The following AHNAK variants were observed in gnomAD, a reference collection of about 807,000 sequenced individuals.
AHNAK encodes AHNAK nucleoprotein.
Under a neutral mutation model 37.8 loss-of-function variants are expected in AHNAK, and 23 were observed. The ratio of observed to expected loss-of-function variants is 0.61; its 90% CI spans 0.44 to 0.86. AHNAK has a LOEUF of 0.86. AHNAK is among the 40% of genes least tolerant of loss of function. The probability of loss-of-function intolerance (pLI) is 0.00; values close to 1 mark genes in which losing one functional copy is unlikely to be tolerated. For synonymous variants in AHNAK, 2,481 were observed against 2,636.3 expected (o/e 0.94, Z 1.80); for missense variants, 7,411 against 7,319.4 (o/e 1.01, Z -0.46).
intron 4 of AHNAK, among the ~76,000 whole-genome samples, chr11:62,506,615 T>C (rs1939816661): frequency 6.6e-6 from 1 of 152,148 alleles, no homozygotes; most frequent in Admixed American, 6.5e-5. Context: ...GCCTGCATTT[T>C]CCTAGCTGCA....
Position 62,532,934 on chromosome 11 carries a change from T to G in AHNAK, c.1483A>C (p.Ile495Leu), listed in dbSNP as rs752014585. ...GTKVKTPEMI[I>L]QKPKISMQDV... ...TGCATGGAGATTTTAGGTTTCTGAA[T>G]AATCATTTCAGGAGTCTTCACTTTA... is the stretch of plus-strand genomic sequence containing the variant. Residue 495 changes from isoleucine to leucine, a missense_variant, in exon 5 of 5, where the codon ATT becomes CTT. Physicochemically the swap from Ile to Leu is conservative, Grantham distance 5. Transcript: ENST00000378024. 1.2e-6 allele frequency: 2 copies of G among 1,614,014 alleles called. No individual in the cohort carries two copies. Among genetic ancestry groups the G allele is most frequent in the African/African-American group, 1.3e-5 (1 of 74,908 alleles).
At position 62,519,241 on chromosome 11, in the gene AHNAK, T is replaced by G. The variant is rs972345002; in HGVS notation, c.15176A>C (p.Asp5059Ala). The part of the protein sequence containing the change: ...GEIDASLKAP[D>A]VDVNIAGPDA... ...CGGCCCTGCGATGTTGACATCTACA[T>G]CCGGAGCCTTGAGGCTGGCATCAAT... is the stretch of plus-strand genomic sequence containing the variant. Residue 5059 changes from aspartate (D) to alanine (A), a missense_variant, in exon 5 of 5, where the codon GAT becomes GCT. Coordinates refer to ENST00000378024, the MANE Select transcript of AHNAK (RefSeq NM_001620.3). 1 of 1,613,966 alleles carries G rather than the reference T, an allele frequency of 6.2e-7. No individual in the cohort carries two copies. The highest frequency in any genetic ancestry group is 8.5e-7 in the Non-Finnish European group (1 of 1,179,996).
chr11:62,536,360 G>A, intron 2 of AHNAK, 109 bp downstream of exon 2: 1 of 394,764 alleles, frequency 2.5e-6, no homozygotes, highest in Non-Finnish European at 4.5e-6. Context: ...CCCGGAGGTA[G>A]CTGGCCCTTC....
chr11:62,467,960 G>T (rs775863073), intron 5 of AHNAK, among the ~76,000 whole-genome samples: 1 of 152,126 alleles, frequency 6.6e-6, no homozygotes, highest in African/African-American at 2.4e-5. Context: ...ACACAGTGCC[G>T]GGGTCAAGGG....
intron 5 of AHNAK, among the ~76,000 whole-genome samples, chr11:62,438,950 G>T (rs949626040): frequency 3.3e-5 from 5 of 152,078 alleles, no homozygotes; most frequent in Non-Finnish European, 5.9e-5. Flanking sequence ...TCCTAAGGTT[G>T]CTGTGTAGCA....
In AHNAK at chr11:62,482,411, T is replaced by TC. The variant is rs548292942; in HGVS notation, c.442+9320dup. Among the ~76,000 whole-genome samples the TC allele has an allele frequency of 1.1e-3, 11 of 10,410 alleles. No individual in the cohort carries two copies. The South Asian group carries it at 0.028, about 26-fold the overall frequency. The allele number at this position is 10,410 out of a possible 152,430, so 6.8% of individuals were successfully genotyped here. On this transcript the variant is annotated intron_variant, in intron 5 of 5. Transcript: ENST00000257247. ...GCCTAAGTGACAGAGCGAGACTGTC[T>TC]CAAAAAAAAAAATGTAGTATTTAAC...
chr11:62,489,710 TC>T (rs1377314923), intron 5 of AHNAK, among the ~76,000 whole-genome samples: 3 of 151,212 alleles, frequency 2.0e-5, no homozygotes, highest in African/African-American at 4.9e-5. Context: ...GCCCTGGAGC[TC>T]GGAAGAGAAG....
At chr11:62,492,505 G>T (rs1272252420) in intron 4 of AHNAK, among the ~76,000 whole-genome samples, 1 of 152,132 alleles carries the variant, frequency 6.6e-6, no homozygotes, top group Non-Finnish European at 1.5e-5. Context: ...GGAGAACTAT[G>T]GTTGCCATCA....
Position 62,526,781 on chromosome 11 carries a change from C to T in AHNAK, c.7636G>A (p.Val2546Met), listed in dbSNP as rs746498468. ...TTAACATCAGGGCCTTCAATGTCCA[C>T]CTTGGGTCCTGAGATGTCAACGTCA... is the stretch of plus-strand genomic sequence containing the variant. Reference protein sequence around the residue: ...KADVDISGPKVDIEGPDVNIE... With the variant: ...KADVDISGPKMDIEGPDVNIE... The change falls in exon 5 of 5, where the codon GTG becomes ATG. Residue 2546 changes from valine (V) to methionine (M), a missense_variant. Transcript: ENST00000378024. 1.8e-5 allele frequency: 29 copies of T among 1,613,960 alleles called. No homozygotes were observed. Among genetic ancestry groups the T allele is most frequent in the African/African-American group, 4.0e-5 (3 of 74,880 alleles).
At position 62,524,936 on chromosome 11, in the gene AHNAK, G is replaced by C; in HGVS notation, c.9481C>G (p.Pro3161Ala). ...TCTGGACCTTCTCCTTTGAAGCCAG[G>C]CATGCTGATCTTGGGCATTTTTATT... is the stretch of plus-strand genomic sequence containing the variant. ...PKIKMPKISM[P>A]GFKGEGPEVD... Residue 3161 changes from proline (P) to alanine (A), a missense_variant, in exon 5 of 5, where the codon CCT becomes GCT. Physicochemically the swap from Pro to Ala is conservative, Grantham distance 27 (BLOSUM62 -1). Coordinates refer to ENST00000378024, the MANE Select transcript of AHNAK (RefSeq NM_001620.3). The C allele has an allele frequency of 1.9e-6, 3 of 1,613,938 alleles. No individual in the cohort carries two copies. The highest frequency in any genetic ancestry group is 2.5e-6 in the Non-Finnish European group (3 of 1,180,000).
chr11:62,467,748 A>G (rs538325000), intron 5 of AHNAK, among the ~76,000 whole-genome samples: 1 of 152,192 alleles, frequency 6.6e-6, no homozygotes, highest in African/African-American at 2.4e-5. Context: ...AAATCATCTT[A>G]GCTGTGATTG....
At chr11:62,441,577 C>T (rs1938307673) in intron 5 of AHNAK, among the ~76,000 whole-genome samples, 2 of 152,204 alleles carry the variant, frequency 1.3e-5, no homozygotes, top group Admixed American at 6.6e-5. Flanking sequence ...TCTTGGCTCA[C>T]TGCAACCTAA....
chr11:62,502,430 A>G (rs1939729129), intron 4 of AHNAK, among the ~76,000 whole-genome samples: 1 of 152,226 alleles, frequency 6.6e-6, no homozygotes, highest in Admixed American at 6.5e-5. Flanking sequence ...GAAACTAAAC[A>G]GTAATTGACA....
In AHNAK at chr11:62,516,000, G is replaced by T. The variant is rs1381368879; in HGVS notation, c.*744C>A. The stretch of plus-strand genomic sequence containing the variant: ...AAGTGCTGGAAATTTTCTTAATCAT[G>T]ATAACATTTGTTAAAAAGAAATCAG... On this transcript the variant is annotated 3_prime_UTR_variant, in exon 5 of 5. Coordinates refer to ENST00000378024, the MANE Select transcript of AHNAK (RefSeq NM_001620.3). The T allele has an allele frequency of 2.6e-6, 3 of 1,169,348 alleles. No homozygotes were observed. The highest frequency in any genetic ancestry group is 3.2e-6 in the Non-Finnish European group (3 of 930,456). 72.4% of individuals were successfully genotyped at this position (1,169,348 alleles called of 1,614,324 possible).
At chr11:62,499,394 C>T (rs1939674541) in intron 4 of AHNAK, among the ~76,000 whole-genome samples, 1 of 152,012 alleles carries the variant, frequency 6.6e-6, no homozygotes, top group Admixed American at 6.6e-5. Flanking sequence ...ACTAAAAATA[C>T]AAAAAAATTA....
At chr11:62,490,197 CTTTTTTTTTTTTT>C (rs944550481) in intron 5 of AHNAK, among the ~76,000 whole-genome samples, 3 of 115,932 alleles carry the variant, frequency 2.6e-5, no homozygotes, top group Non-Finnish European at 5.4e-5. Context: ...TTTTCTTTTT[CTTTTTTTTTTTTT>C]TTTTTTTTTG....
chr11:62,444,848 CA>C (rs2134788452), intron 5 of AHNAK, among the ~76,000 whole-genome samples: 1 of 151,682 alleles, frequency 6.6e-6, no homozygotes, highest in African/African-American at 2.4e-5. Context: ...GAGGGAGAAA[CA>C]ATCTTTAATC....
At position 62,522,323 on chromosome 11, in the gene AHNAK, C is replaced by A. The variant is rs139163756; in HGVS notation, c.12094G>T (p.Ala4032Ser). ...SLPKMEGDLK[A>S]PEVDIKGPKV... The stretch of plus-strand genomic sequence containing the variant: ...GGGCCCTTGATGTCAACTTCAGGGG[C>A]CTTTAGATCACCTTCCATCTTAGGC... Residue 4032 changes from alanine to serine, a missense_variant, in exon 5 of 5, where the codon GCC becomes TCC. Ala to Ser is a moderately conservative substitution (Grantham distance 99, BLOSUM62 1). Transcript: ENST00000378024. 1.3e-5 allele frequency: 21 copies of A among 1,613,210 alleles called. No individual in the cohort carries two copies. The highest frequency in any genetic ancestry group is 1.4e-5 in the Non-Finnish European group (16 of 1,179,830).
intron 1 of AHNAK, among the ~76,000 whole-genome samples, chr11:62,542,255 T>C (rs565676378): frequency 7.9e-5 from 12 of 151,966 alleles, no homozygotes; most frequent in African/African-American, 2.9e-4. Context: ...TAGACAGTTG[T>C]CCTGCAGGTC....
Sources: allele counts gnomAD v4.1 joint callset (sites outside exome capture counted in the v4.1 genomes callset), GRCh38; gene constraint gnomAD v4.1.1; transcripts MANE v1.5; gene names NCBI Gene and HGNC (gene_info 2026-07-23, HGNC 2026-07-21).